Variants in ZNF273 observed in about 807,000 individuals in gnomAD.
The protein encoded by ZNF273 is zinc finger protein 9.
Under a neutral mutation model 14.9 loss-of-function variants are expected in ZNF273, and 11 were observed. That is an observed-to-expected ratio of 0.74 (90% CI 0.46 to 1.22). The LOEUF is 1.22. Ranked by LOEUF, ZNF273 falls within the 50% of genes most tolerant of loss-of-function variation. ZNF273 has a pLI of 0.00. For synonymous variants in ZNF273, 199 were observed against 223.9 expected, an observed-to-expected ratio of 0.89 and a Z score of 0.99; for missense variants, 577 against 660.6, an observed-to-expected ratio of 0.87 and a Z score of 1.39.
chr7:64,892,722 C>T (rs548441190), downstream of ZNF273, among the ~76,000 whole-genome samples: 10 of 152,148 alleles, frequency 6.6e-5, no homozygotes, highest in African/African-American at 2.4e-4. Flanking sequence ...ATGAGGGGGG[C>T]GGTGTTTGAT....
At position 64,928,350 on chromosome 7, in the gene ZNF273, C is replaced by T; in HGVS notation, c.1022C>T (p.Thr341Ile). The T allele has an allele frequency of 2.2e-5, 36 of 1,613,736 alleles. No homozygotes were observed. The highest frequency in any genetic ancestry group is 3.0e-5 in the Non-Finnish European group (35 of 1,179,852). The change falls in exon 4 of 4, where the codon ACT (threonine) becomes ATT (isoleucine). Residue 341 changes from threonine (T) to isoleucine (I), a missense_variant. This residue lies in a region of ZNF273 where 411 missense variants were observed against 440.4 expected (regional missense o/e 0.93). Transcript: ENST00000476120. Reference protein sequence around the residue: ...STLTKHKIIHTGEKPYKCNEC... With the variant: ...STLTKHKIIHIGEKPYKCNEC... ...CTTACTAAACATAAGATAATTCATA[C>T]TGGAGAGAAACCCTACAAATGCAAT... is the stretch of plus-strand genomic sequence containing the variant.
downstream of ZNF273, chr7:64,879,807 G>T (rs748374300): frequency 5.3e-5 from 8 of 152,204 alleles, no homozygotes; most frequent in Non-Finnish European, 1.2e-4. Context: ...CAGTTTCCAT[G>T]GCCCAACTCA....
chr7:64,881,893 C>T (rs1397652367), downstream of ZNF273, among the ~76,000 whole-genome samples: 1 of 152,200 alleles, frequency 6.6e-6, no homozygotes, highest in Non-Finnish European at 1.5e-5. Context: ...TGCCCCTCAG[C>T]AGCACTCGTG....
exon 4 of ZNF273, chr7:64,897,538 G>C (rs953569496): frequency 1.3e-5 from 2 of 151,834 alleles, no homozygotes; most frequent in African/African-American, 4.8e-5. Flanking sequence ...GTGCTGGCCA[G>C]CATGGTCTCG....
At chr7:64,924,075 A>G (rs1220610495) in intron 3 of ZNF273, 1 of 151,188 alleles carries the variant, frequency 6.6e-6, no homozygotes, top group Non-Finnish European at 1.5e-5. Context: ...TCTTCCCAAT[A>G]TTTCAACTTT....
chr7:64,906,323 CCATATGACTGTT>C (rs879735929), intron 1 of ZNF273, among the ~76,000 whole-genome samples: 13 of 151,900 alleles, frequency 8.6e-5, no homozygotes, highest in Admixed American at 5.2e-4. Flanking sequence ...AGAAGCGTTC[CCATATGACTGTT>C]TACTACATGA....
chr7:64,884,401 C>T (rs1327861256), downstream of ZNF273, among the ~76,000 whole-genome samples: 1 of 152,186 alleles, frequency 6.6e-6, no homozygotes, highest in African/African-American at 2.4e-5. Flanking sequence ...TGCCCCTCAA[C>T]AGCACTCCTG....
downstream of ZNF273, chr7:64,893,843 A>G (rs546472578): frequency 2.3e-4 from 35 of 153,762 alleles, no homozygotes; most frequent in Admixed American, 7.8e-4. Context: ...CGTCCTAGTC[A>G]CTACCCAGCA....
chr7:64,891,359 G>T (rs1257049669), downstream of ZNF273, among the ~76,000 whole-genome samples: 1 of 152,198 alleles, frequency 6.6e-6, no homozygotes, highest in African/African-American at 2.4e-5. Flanking sequence ...TTGGTCTATG[G>T]TGACCTTCCT....
At chr7:64,911,816 T>G (rs983941970) in intron 1 of ZNF273, among the ~76,000 whole-genome samples, 1 of 152,184 alleles carries the variant, frequency 6.6e-6, no homozygotes, top group Non-Finnish European at 1.5e-5. Context: ...ATTTGTGATA[T>G]TAGGTTGTTA....
At chr7:64,907,137 A>C (rs1158939264) in intron 1 of ZNF273, among the ~76,000 whole-genome samples, 1 of 152,188 alleles carries the variant, frequency 6.6e-6, no homozygotes, top group Admixed American at 6.5e-5. Flanking sequence ...CCTCTTAGCC[A>C]CTGAGACCAG....
downstream of ZNF273, chr7:64,889,578 A>G (rs905690967): frequency 4.1e-6 from 4 of 985,694 alleles, no homozygotes; most frequent in Admixed American, 1.8e-4. This position sits in a 1 kb window ranked among gnomAD's most constrained non-coding sequence, Gnocchi z 4.2. Context: ...GGACAGTGAG[A>G]TGGGGCTGGC....
intron 3 of ZNF273, among the ~76,000 whole-genome samples, chr7:64,920,078 G>A (rs1794315743): frequency 6.6e-6 from 1 of 152,106 alleles, no homozygotes; most frequent in African/African-American, 2.4e-5. Flanking sequence ...ATCTTTTTAT[G>A]TTGGGCCCCC....
At chr7:64,935,089 T>C (rs1214023312), downstream of ZNF273, among the ~76,000 whole-genome samples, 1 of 152,206 alleles carries the variant, frequency 6.6e-6, no homozygotes, top group Non-Finnish European at 1.5e-5. Flanking sequence ...AGATAGTTAA[T>C]TGTTCTTGTG....
chr7:64,917,218 A>C (rs1794070899), intron 1 of ZNF273: 1 of 711,392 alleles, frequency 1.4e-6, no homozygotes, highest in Admixed American at 4.1e-5. Flanking sequence ...TACACATTAA[A>C]ATTTTAAAGC....
chr7:64,907,993 G>A (rs1376789695), intron 1 of ZNF273, among the ~76,000 whole-genome samples: 1 of 152,166 alleles, frequency 6.6e-6, no homozygotes, highest in African/African-American at 2.4e-5. Flanking sequence ...ACCACCCTCA[G>A]GAATTTCACC....
intron 1 of ZNF273, among the ~76,000 whole-genome samples, chr7:64,911,063 C>T (rs149780682): frequency 6.6e-6 from 1 of 152,090 alleles, no homozygotes; most frequent in African/African-American, 2.4e-5. Context: ...AGCCACTGCA[C>T]TGGGCTAAAG....
At position 64,912,846 on chromosome 7, in the gene ZNF273, T is replaced by TTTTTTTTTTTTTTTTTTTTTTTTTTTG. The variant is rs1562959220; in HGVS notation, c.103-4735_103-4734insTTTTTTTTTTTTTTTTTTTTTTTTTTG. ...TTTTAGTTTTTTTTTTTTTTTTTTT[T>TTTTTTTTTTTTTTTTTTTTTTTTTTTG]GAGATTGAGTTTCGCTCTGTCATCC... On this transcript the variant is annotated intron_variant, in intron 1 of 3. Coordinates refer to ENST00000476120, the MANE Select transcript of ZNF273 (RefSeq NM_021148.3). 3.6e-4 allele frequency among the ~76,000 whole-genome samples: 35 copies of TTTTTTTTTTTTTTTTTTTTTTTTTTTG among 98,262 alleles called. 5 individuals are homozygous for TTTTTTTTTTTTTTTTTTTTTTTTTTTG. The highest frequency in any genetic ancestry group is 6.4e-4 in the Non-Finnish European group (25 of 39,244). The allele number at this position is 98,262 out of a possible 152,430, so 64.5% of individuals were successfully genotyped here.
In ZNF273 at chr7:64,930,146, G is replaced by C. The variant is rs1027966340; in HGVS notation, c.*1108G>C. The C allele has an allele frequency of 6.6e-6, 1 of 152,222 alleles. No individual in the cohort carries two copies. The highest frequency in any genetic ancestry group is 2.4e-5 in the African/African-American group (1 of 41,456). 9.4% of individuals were successfully genotyped at this position (152,222 alleles called of 1,614,324 possible). ...CCCAAAATGTTGGGATTACAGGCAT[G>C]AGCCACTGCACCCGGCGCATGTTTT... is the stretch of plus-strand genomic sequence containing the variant. On this transcript the variant is annotated 3_prime_UTR_variant, in exon 4 of 4. Transcript: ENST00000476120.
Sources: allele counts gnomAD v4.1 joint callset (sites outside exome capture counted in the v4.1 genomes callset), GRCh38; gene constraint gnomAD v4.1.1; regional missense constraint gnomAD v4.1.1; non-coding constraint Gnocchi (gnomAD v3.1); transcripts MANE v1.5; gene names NCBI Gene and HGNC (gene_info 2026-07-23, HGNC 2026-07-21).